GPAM: variants seen among roughly 807,000 people sequenced by gnomAD.
GPAM encodes glycerol-3-phosphate acyltransferase 1, mitochondrial.
Under a neutral mutation model 105.0 loss-of-function variants are expected in GPAM, and 56 were observed. The ratio of observed to expected loss-of-function variants is 0.53; its 90% confidence interval spans 0.43 to 0.67. The LOEUF (loss-of-function observed/expected upper bound fraction) is 0.67. Ranked by LOEUF, GPAM falls within the 30% of genes least tolerant of loss-of-function variation. GPAM has a pLI of 0.00. For synonymous variants in GPAM, 368 were observed against 354.4 expected (o/e 1.04, Z -0.43); for missense variants, 855 against 989.8 (o/e 0.86, Z 1.83).
At chr10:112,176,602 G>C (rs1322960799) in intron 5 of GPAM, among the ~76,000 whole-genome samples, 4 of 151,802 alleles carry the variant, frequency 2.6e-5, no homozygotes, top group Non-Finnish European at 5.9e-5. Flanking sequence ...CCCTTCCTTT[G>C]TCTAAATCTT....
In GPAM at chr10:112,191,104, G is replaced by A. The variant is rs573346930; in HGVS notation, n.211-8213C>T. 2.6e-5 allele frequency among the ~76,000 whole-genome samples: 4 copies of A among 152,306 alleles called. No homozygotes were observed. In the South Asian group the frequency reaches 6.2e-4, roughly 24 times the overall value. On this transcript the variant is annotated intron_variant and non_coding_transcript_variant, in intron 1 of 3. Transcript: ENST00000480130. ...GAGGAGGGCAGAGCCAATCAGACGGGAAGACAAGCACATTTTCCTGGACAC... is the reference window on the plus strand; with the variant it reads ...GAGGAGGGCAGAGCCAATCAGACGGAAAGACAAGCACATTTTCCTGGACAC...
At chr10:112,161,600 G>A (rs570543697) in intron 15 of GPAM, 67 bp downstream of exon 15, 2 of 1,305,382 alleles carry the variant, frequency 1.5e-6, no homozygotes, top group Admixed American at 3.5e-5. Context: ...CCCTGAGTAT[G>A]TATCTGAGCA....
chr10:112,216,688 A>G (rs1447676654), upstream of GPAM, among the ~76,000 whole-genome samples: 1 of 151,704 alleles, frequency 6.6e-6, no homozygotes, highest in Non-Finnish European at 1.5e-5. Flanking sequence ...CAGTGGTGTG[A>G]TCTTGGCTCA....
intron 1 of GPAM, among the ~76,000 whole-genome samples, chr10:112,212,027 G>A (rs1847916628): frequency 6.6e-6 from 1 of 152,156 alleles, no homozygotes; most frequent in South Asian, 2.1e-4. Context: ...ACTAAGGGCG[G>A]CCCAAAGCAG....
intron 9 of GPAM, among the ~76,000 whole-genome samples, chr10:112,171,784 G>T (rs1847317389): frequency 6.6e-6 from 1 of 152,158 alleles, no homozygotes; most frequent in South Asian, 2.1e-4. Context: ...AAATTATGAG[G>T]TCAAAGTAAC....
chr10:112,173,831 A>G lies in GPAM; in HGVS notation c.428T>C (p.Ile143Thr), dbSNP rs1440006282. The G allele has an allele frequency of 1.2e-6, 2 of 1,612,176 alleles. No homozygotes were observed. The highest frequency in any genetic ancestry group is 1.7e-6 in the Non-Finnish European group (2 of 1,178,372). Reference sequence around the variant, plus strand: ...GTTTAATTCAGCAGCCACTTCTGCAATTGCCTCTTGTACTCTGGTATGAAA... The same window carrying G: ...GTTTAATTCAGCAGCCACTTCTGCAGTTGCCTCTTGTACTCTGGTATGAAA... ...VLNSSRVQEAIAEVAAELNPD... is the reference protein window; with the variant it reads ...VLNSSRVQEATAEVAAELNPD... Residue 143 changes from isoleucine to threonine, a missense_variant, in exon 7 of 22, where the codon ATT becomes ACT. By Grantham distance (89) the Ile-to-Thr change is moderately conservative (BLOSUM62 -1). Coordinates refer to ENST00000348367, the MANE Select transcript of GPAM (RefSeq NM_001244949.2).
At chr10:112,180,028 A>G (rs1847479058) in intron 4 of GPAM, among the ~76,000 whole-genome samples, 1 of 152,228 alleles carries the variant, frequency 6.6e-6, no homozygotes, top group African/African-American at 2.4e-5. Flanking sequence ...ACAATCTTTC[A>G]CTATCACAAA....
At chr10:112,164,477 C>G (rs1221484456) in intron 13 of GPAM, 48 bp downstream of exon 13, 1 of 943,338 alleles carries the variant, frequency 1.1e-6, no homozygotes, top group Admixed American at 1.7e-5. Context: ...CAAGAAATAA[C>G]AGATGTTTGG....
Position 112,166,067 on chromosome 10 carries a change from G to A in GPAM, c.1221+335C>T, listed in dbSNP as rs112228368. 3.4e-3 allele frequency among the ~76,000 whole-genome samples: 515 copies of A among 152,014 alleles called. 2 individuals carry two copies. Among genetic ancestry groups the A allele is most frequent in the African/African-American group, 0.012 (487 of 41,466 alleles). On this transcript the variant is annotated intron_variant, in intron 12 of 21. Coordinates refer to ENST00000348367, the MANE Select transcript of GPAM (RefSeq NM_001244949.2). Reference sequence around the variant, plus strand: ...ATTTTGAAATATACAATAAATTACTGCTAACTATAATTTCCCTACTGTACT... The same window carrying A: ...ATTTTGAAATATACAATAAATTACTACTAACTATAATTTCCCTACTGTACT...
Position 112,160,791 on chromosome 10 carries a change from C to T in GPAM, c.1572G>A (p.Gly524=). Residue 524 remains glycine (G), a synonymous_variant, in exon 16 of 22, where the codon GGG becomes GGA. Coordinates refer to ENST00000348367, the MANE Select transcript of GPAM (RefSeq NM_001244949.2). The part of the protein sequence containing the change: ...EEVLARDFDL[G]FSGNSEDVVM... ...CTACATCTTCTGAATTTCCTGAGAA[C>T]CCCAGGTCAAAATCACGAGCCAGGA... is the stretch of plus-strand genomic sequence containing the variant. The T allele has an allele frequency of 6.2e-7, 1 of 1,613,868 alleles. No homozygotes were observed. Among genetic ancestry groups the T allele is most frequent in the Non-Finnish European group, 8.5e-7 (1 of 1,179,788 alleles).
Position 112,160,395 on chromosome 10 carries a change from A to C in GPAM, c.1759+209T>G, listed in dbSNP as rs1225778043. 3 of 953,812 alleles carry C rather than the reference A, an allele frequency of 3.1e-6. No individual in the cohort carries two copies. In the African/African-American group the frequency reaches 5.3e-5, roughly 17 times the overall value. 59.1% of individuals were successfully genotyped at this position (953,812 alleles called of 1,614,324 possible). On this transcript the variant is annotated intron_variant, in intron 16 of 21. Transcript: ENST00000348367. ...GACACTCTACCTCTCCTGAAAAATA[A>C]GGGTAATGCTATACAAACGGTAATT...
rs944447008 is a variant in GPAM, at chr10:112,176,756, G to A, written c.300-1043C>T. On this transcript the variant is annotated intron_variant, in intron 5 of 21. Coordinates refer to ENST00000348367, the MANE Select transcript of GPAM (RefSeq NM_001244949.2). ...GACTGAAAGCATTGTGTGTGTGTGC[G>A]CACATGTGCATGAGTGTGACAGTGA... is the stretch of plus-strand genomic sequence containing the variant. 5.3e-5 allele frequency among the ~76,000 whole-genome samples: 8 copies of A among 152,204 alleles called. No homozygotes were observed. In the South Asian group the frequency reaches 1.0e-3, roughly 20 times the overall value.
the GPAM span, among the ~76,000 whole-genome samples, chr10:112,225,241 C>A: frequency 6.6e-6 from 1 of 152,200 alleles, no homozygotes; most frequent in Non-Finnish European, 1.5e-5. Flanking sequence ...AATTTGCCCA[C>A]AATTCCAAAA....
intron 20 of GPAM, 113 bp from the exon 21 acceptor site, chr10:112,154,800 G>T: frequency 1.1e-6 from 1 of 874,274 alleles, no homozygotes; most frequent in Non-Finnish European, 1.9e-6. Flanking sequence ...GGGCAAGTCA[G>T]CAGACAAGGG....
chr10:112,181,826 G>C lies in GPAM; in HGVS notation c.-29-13C>G. 1.8e-6 allele frequency: 2 copies of C among 1,085,796 alleles called. No homozygotes were observed. The highest frequency in any genetic ancestry group is 2.9e-6 in the Non-Finnish European group (2 of 698,934). 67.3% of individuals were successfully genotyped at this position (1,085,796 alleles called of 1,614,324 possible). ...CCCAAATCATGTGCTATAAAAAATA[G>C]GTACCATTTAAATTAACAAGGAATC... is the stretch of plus-strand genomic sequence containing the variant. On this transcript the variant is annotated splice_polypyrimidine_tract_variant and intron_variant, in intron 2 of 21. Coordinates refer to ENST00000348367, the MANE Select transcript of GPAM (RefSeq NM_001244949.2).
intron 1 of GPAM, among the ~76,000 whole-genome samples, chr10:112,189,811 G>A (rs1036659295): frequency 6.6e-5 from 10 of 152,014 alleles, no homozygotes; most frequent in Non-Finnish European, 1.3e-4. Context: ...CCAACACCAC[G>A]AATCACACAC....
intron 4 of GPAM, among the ~76,000 whole-genome samples, chr10:112,179,402 T>C (rs1847465881): frequency 6.6e-6 from 1 of 152,258 alleles, no homozygotes; most frequent in Non-Finnish European, 1.5e-5. Context: ...TGTTTAAATC[T>C]TGATTTCAAG....
At chr10:112,223,527 A>G in the GPAM span, among the ~76,000 whole-genome samples, 5 of 152,362 alleles carry the variant, frequency 3.3e-5, no homozygotes, top group East Asian at 3.9e-4. Flanking sequence ...TAGGGAACCT[A>G]TACAGTGATA....
chr10:112,154,965 G>C (rs918385947), intron 20 of GPAM: 2 of 517,684 alleles, frequency 3.9e-6, no homozygotes, highest in African/African-American at 3.8e-5. Context: ...GGAGAACAGA[G>C]GGAAGTAGAA....
Sources: allele counts gnomAD v4.1 joint callset (sites outside exome capture counted in the v4.1 genomes callset), GRCh38; gene constraint gnomAD v4.1.1; transcripts MANE v1.5; gene names NCBI Gene and HGNC (gene_info 2026-07-23, HGNC 2026-07-21).